Variants in TBK1 observed in about 807,000 individuals in gnomAD.
The protein encoded by TBK1 is TANK binding kinase 1.
Under a neutral mutation model 99.9 loss-of-function variants are expected in TBK1, and 37 were observed. The observed-to-expected ratio is 0.37, with a 90% CI of 0.28 to 0.49. The LOEUF (loss-of-function observed/expected upper bound fraction) is 0.49. Among genes scored for constraint, TBK1 ranks in the 20% least tolerant of loss-of-function variants. The pLI is 0.98. For missense variants in TBK1, 644 were observed against 872.5 expected, an observed-to-expected ratio of 0.74 and a Z score of 3.30; for synonymous variants, 258 against 279.8, an observed-to-expected ratio of 0.92 and a Z score of 0.78.
At chr12:64,475,730 G>A (rs1168989171) in intron 6 of TBK1, among the ~76,000 whole-genome samples, 2 of 152,200 alleles carry the variant, frequency 1.3e-5, no homozygotes, top group Non-Finnish European at 2.9e-5. Context: ...ATTCTACAGT[G>A]TATGTGTACC....
chr12:64,468,838 T>G (rs1387420826), intron 5 of TBK1, among the ~76,000 whole-genome samples: 1 of 152,188 alleles, frequency 6.6e-6, no homozygotes, highest in Non-Finnish European at 1.5e-5. Flanking sequence ...CACAGCGTTC[T>G]GACTGCTGTT....
At chr12:64,465,512 A>G (rs939564637) in intron 4 of TBK1, among the ~76,000 whole-genome samples, 4 of 151,494 alleles carry the variant, frequency 2.6e-5, no homozygotes, top group Admixed American at 6.6e-5. Flanking sequence ...AAAAAAAAAA[A>G]AGATGAAAAC....
intron 12 of TBK1, among the ~76,000 whole-genome samples, chr12:64,488,802 G>A (rs993103155): frequency 8.5e-5 from 13 of 152,178 alleles, no homozygotes; most frequent in Non-Finnish European, 1.5e-4. Flanking sequence ...GACCATCCTA[G>A]CCAACATGGT....
At chr12:64,497,310 A>G in intron 18 of TBK1, 51 bp downstream of exon 18, 1 of 1,282,778 alleles carries the variant, frequency 7.8e-7, no homozygotes, top group Non-Finnish European at 1.1e-6. Context: ...TTTATAACTG[A>G]TAGTGATTGA....
chr12:64,458,510 T>TAC (rs1038559723), intron 2 of TBK1, among the ~76,000 whole-genome samples: 3 of 95,012 alleles, frequency 3.2e-5, no homozygotes, highest in African/African-American at 8.9e-5. Context: ...TATGGATATA[T>TAC]ACATATATAT....
intron 2 of TBK1, among the ~76,000 whole-genome samples, chr12:64,456,336 G>A (rs2040487120): frequency 6.6e-6 from 1 of 152,162 alleles, no homozygotes; most frequent in African/African-American, 2.4e-5. Context: ...AGGCAGATGT[G>A]TATTGGGAGG....
chr12:64,484,263 A>G, intron 8 of TBK1, 40 bp from the exon 9 acceptor site: 1 of 1,386,900 alleles, frequency 7.2e-7, no homozygotes, highest in East Asian at 2.3e-5. Context: ...CTCTCACTTT[A>G]TCCCCAGTTA....
At position 64,484,327 on chromosome 12, in the gene TBK1, A is replaced by T; in HGVS notation, c.1017A>T (p.Val339=). ...GTGCTACTATATTTCATGAACTGGT[A>T]TATAAACAAACCAAAATTATTTCTT... ...YNTATIFHEL[V]YKQTKIISSN... is the part of the protein sequence containing the mutation. The change falls in exon 9 of 21, where the codon GTA becomes GTT. Residue 339 remains valine (V), a synonymous_variant. Coordinates refer to ENST00000331710, the MANE Select transcript of TBK1 (RefSeq NM_013254.4). 1.9e-6 allele frequency: 3 copies of T among 1,612,830 alleles called. No individual in the cohort carries two copies. Among genetic ancestry groups the T allele is most frequent in the Non-Finnish European group, 2.5e-6 (3 of 1,179,236 alleles).
chr12:64,463,951 C>T (rs375313814), intron 3 of TBK1, among the ~76,000 whole-genome samples: 43 of 151,842 alleles, frequency 2.8e-4, no homozygotes, highest in African/African-American at 9.7e-4. Flanking sequence ...GCAACTTCCG[C>T]CTCCCAGGTT....
At chr12:64,458,811 A>G (rs140494844) in intron 2 of TBK1, among the ~76,000 whole-genome samples, 1 of 152,194 alleles carries the variant, frequency 6.6e-6, no homozygotes, top group Non-Finnish European at 1.5e-5. Context: ...TGATGCATAG[A>G]TTTGGCAGTG....
intron 6 of TBK1, among the ~76,000 whole-genome samples, chr12:64,477,042 C>G (rs1366716082): frequency 6.6e-6 from 1 of 152,078 alleles, no homozygotes; most frequent in Non-Finnish European, 1.5e-5. Context: ...TGTTTTTGTA[C>G]CAGTACCATG....
chr12:64,457,927 A>G (rs879401132), intron 2 of TBK1, among the ~76,000 whole-genome samples: 1 of 152,180 alleles, frequency 6.6e-6, no homozygotes, highest in African/African-American at 2.4e-5. Flanking sequence ...CTAAAATGAG[A>G]ATTTCAGAAG....
At chr12:64,481,705 A>G in intron 7 of TBK1, 137 bp from the exon 8 acceptor site, 2 of 569,938 alleles carry the variant, frequency 3.5e-6, no homozygotes, top group Non-Finnish European at 5.3e-6. Context: ...AAAAGTTGAC[A>G]GATTTTAAAT....
intron 9 of TBK1, 55 bp downstream of exon 9, chr12:64,484,554 C>G: frequency 6.6e-7 from 1 of 1,522,498 alleles, no homozygotes; most frequent in Non-Finnish European, 8.9e-7. Context: ...ATACAGCCAG[C>G]CTGGGCAACA....
intron 6 of TBK1, among the ~76,000 whole-genome samples, 163 bp downstream of exon 6, chr12:64,474,553 T>G (rs1565817025): frequency 6.6e-6 from 1 of 152,212 alleles, no homozygotes; most frequent in Non-Finnish European, 1.5e-5. Context: ...TTATAAAAGT[T>G]TGCATAATTT....
Position 64,480,547 on chromosome 12 carries a change from A to G in TBK1, c.812+425A>G, listed in dbSNP as rs140017576. On this transcript the variant is annotated intron_variant, in intron 7 of 20. Transcript: ENST00000331710. ...TATTATCTTCATTTTAAAAAATTCA[A>G]ATTATTCAAAGGGTGAGAAATAATA... Among the ~76,000 whole-genome samples, 481 of 152,304 alleles carry G rather than the reference A, an allele frequency of 3.2e-3. 5 individuals are homozygous for G. Among genetic ancestry groups the G allele is most frequent in the African/African-American group, 0.011 (461 of 41,572 alleles).
intron 1 of TBK1, among the ~76,000 whole-genome samples, chr12:64,455,534 T>C (rs933786006): frequency 1.3e-5 from 2 of 152,168 alleles, no homozygotes; most frequent in Admixed American, 1.3e-4. Flanking sequence ...CAGAAAGTGA[T>C]ATTGATTAAA....
intron 20 of TBK1, among the ~76,000 whole-genome samples, chr12:64,498,864 G>C (rs141573698): frequency 6.6e-6 from 1 of 150,818 alleles, no homozygotes; most frequent in African/African-American, 2.4e-5. Context: ...GCTGAGGCAC[G>C]AGAATCACCT....
intron 5 of TBK1, 37 bp from the exon 6 acceptor site, chr12:64,474,193 C>T (rs1281688580): frequency 6.4e-6 from 10 of 1,574,316 alleles, no homozygotes; most frequent in Non-Finnish European, 8.6e-6. Context: ...AAATGGGTCA[C>T]AGGTTCATGA....
Sources: allele counts gnomAD v4.1 joint callset (sites outside exome capture counted in the v4.1 genomes callset), GRCh38; gene constraint gnomAD v4.1.1; transcripts MANE v1.5; gene names NCBI Gene and HGNC (gene_info 2026-07-23, HGNC 2026-07-21).